The following TMEM117 variants were observed in gnomAD, a reference collection of about 807,000 sequenced individuals.
TMEM117 encodes the protein transmembrane protein 117.
TMEM117 carries 27 observed loss-of-function variants against 52.4 expected under a neutral mutation model. That is an observed-to-expected ratio of 0.51 (90% CI 0.38 to 0.71). The LOEUF (loss-of-function observed/expected upper bound fraction) is 0.71, where lower values mean the gene tolerates loss of function less well. Ranked by LOEUF, TMEM117 falls within the 30% of genes least tolerant of loss-of-function variation. The pLI, the probability that TMEM117 is intolerant of heterozygous loss-of-function variation, is 0.00. For synonymous variants in TMEM117, 215 were observed against 206.3 expected, an observed-to-expected ratio of 1.04 and a Z score of -0.36; for missense variants, 556 against 630.5, an observed-to-expected ratio of 0.88 and a Z score of 1.26.
intron 4 of TMEM117, among the ~76,000 whole-genome samples, chr12:44,171,717 C>T (rs908940916): frequency 6.6e-5 from 10 of 152,150 alleles, no homozygotes; most frequent in African/African-American, 2.4e-4. Context: ...AGTTAGACTC[C>T]TCTTAACTAT....
chr12:44,134,327 C>A (rs1452819476), intron 3 of TMEM117, among the ~76,000 whole-genome samples: 1 of 152,170 alleles, frequency 6.6e-6, no homozygotes. Flanking sequence ...AAGCAATCCT[C>A]CTAGCTCAGT....
the TMEM117 span, chr12:43,805,937 C>A: frequency 6.5e-7 from 1 of 1,529,148 alleles, no homozygotes; most frequent in Non-Finnish European, 8.8e-7. Context: ...CGGTGGAAGG[C>A]ACGCCCCCTT....
At chr12:44,312,749 T>G (rs911997002) in intron 6 of TMEM117, among the ~76,000 whole-genome samples, 1 of 152,214 alleles carries the variant, frequency 6.6e-6, no homozygotes, top group African/African-American at 2.4e-5. Flanking sequence ...AAACATTCCC[T>G]TTTCTCTGCA....
intron 4 of TMEM117, among the ~76,000 whole-genome samples, chr12:44,194,636 G>A (rs1949395163): frequency 6.6e-6 from 1 of 151,928 alleles, no homozygotes; most frequent in African/African-American, 2.4e-5. Context: ...GAACAGCCTG[G>A]GCAACATGAG....
At chr12:44,252,112 T>C (rs948844153) in intron 5 of TMEM117, among the ~76,000 whole-genome samples, 1 of 152,274 alleles carries the variant, frequency 6.6e-6, no homozygotes, top group Admixed American at 6.5e-5. Context: ...TTCACAAGCT[T>C]GCTGCATGCT....
intron 6 of TMEM117, among the ~76,000 whole-genome samples, chr12:44,375,415 C>T (rs995097438): frequency 9.2e-5 from 14 of 152,052 alleles, no homozygotes; most frequent in South Asian, 2.1e-4. Context: ...TCCATAGATC[C>T]GGAAACTGGT....
At chr12:44,110,183 A>G (rs1948033680) in intron 3 of TMEM117, among the ~76,000 whole-genome samples, 1 of 128,692 alleles carries the variant, frequency 7.8e-6, no homozygotes, top group Admixed American at 8.1e-5. Flanking sequence ...TCTTTTCCTA[A>G]TTGAATACCC....
chr12:44,190,548 A>C (rs1400334357), intron 4 of TMEM117, among the ~76,000 whole-genome samples: 1 of 152,126 alleles, frequency 6.6e-6, no homozygotes, highest in African/African-American at 2.4e-5. Flanking sequence ...AGACAAATGG[A>C]AAATGTGGAG....
the TMEM117 span, among the ~76,000 whole-genome samples, chr12:43,808,778 C>G: frequency 6.9e-6 from 1 of 145,334 alleles, no homozygotes; most frequent in South Asian, 2.2e-4. Context: ...CCACTACACT[C>G]CAGCCTGGGC....
chr12:43,800,452 C>G, the TMEM117 span: 2 of 1,613,000 alleles, frequency 1.2e-6, no homozygotes, highest in East Asian at 4.5e-5. Flanking sequence ...GTTCCAAATA[C>G]TTCATCTTTA....
chr12:44,199,178 G>GT (rs5797891), intron 4 of TMEM117, among the ~76,000 whole-genome samples: 99,015 of 151,922 alleles, frequency 0.65, 33,977 homozygotes, highest in East Asian at 0.96. Context: ...ATGTGAAGAT[G>GT]TCTCATTCTG....
upstream of TMEM117, among the ~76,000 whole-genome samples, chr12:43,833,846 A>C (rs1294589241): frequency 6.6e-6 from 1 of 152,040 alleles, no homozygotes; most frequent in Non-Finnish European, 1.5e-5. Context: ...TAACCTCAGC[A>C]CTTTGAGAGG....
intron 4 of TMEM117, among the ~76,000 whole-genome samples, chr12:44,156,784 G>T (rs1948831296): frequency 6.6e-6 from 1 of 152,016 alleles, no homozygotes; most frequent in Non-Finnish European, 1.5e-5. Flanking sequence ...ATATGAAGAG[G>T]GTTGGCTTTC....
chr12:44,154,217 G>A (rs929153995), intron 4 of TMEM117, among the ~76,000 whole-genome samples: 3 of 152,120 alleles, frequency 2.0e-5, no homozygotes, highest in African/African-American at 7.2e-5. Flanking sequence ...TCAAGTGTAA[G>A]ATCAAATAAA....
intron 3 of TMEM117, among the ~76,000 whole-genome samples, chr12:44,053,078 A>G (rs1320585324): frequency 2.0e-5 from 3 of 151,996 alleles, no homozygotes; most frequent in Non-Finnish European, 4.4e-5. Context: ...GTGTCCTACA[A>G]TTCAGTTCAC....
chr12:44,134,992 A>G (rs1565842867), intron 3 of TMEM117, among the ~76,000 whole-genome samples: 1 of 152,014 alleles, frequency 6.6e-6, no homozygotes, highest in Non-Finnish European at 1.5e-5. Context: ...TCTCCTTTGC[A>G]TATGTCAGCC....
intron 2 of TMEM117, among the ~76,000 whole-genome samples, chr12:43,891,534 G>A (rs938021597): frequency 2.6e-5 from 4 of 151,398 alleles, no homozygotes; most frequent in Admixed American, 6.6e-5. Context: ...CACCATGCCC[G>A]GCTAATTTTT....
intron 5 of TMEM117, among the ~76,000 whole-genome samples, chr12:44,239,371 C>G (rs1444642284): frequency 6.6e-6 from 1 of 152,084 alleles, no homozygotes; most frequent in African/African-American, 2.4e-5. Flanking sequence ...TACAACTGTA[C>G]CTGTGGCATT....
chr12:44,001,959 G>A (rs1000663962), intron 3 of TMEM117, among the ~76,000 whole-genome samples: 2 of 152,180 alleles, frequency 1.3e-5, no homozygotes, highest in Admixed American at 6.5e-5. Flanking sequence ...ATGGGTAGAG[G>A]AGGGGCAATC....
Sources: gnomAD v4.1 joint callset for allele counts (sites outside exome capture counted in the v4.1 genomes callset) on GRCh38, gnomAD v4.1.1 for gene constraint, MANE v1.5 for transcripts, NCBI Gene and HGNC (gene_info 2026-07-23, HGNC 2026-07-21) for gene names.